LINC00305: variants seen among roughly 807,000 people sequenced by gnomAD.
LINC00305 encodes long independently transcribed non-coding RNA 305.
intron 1 of LINC00305, among the ~76,000 whole-genome samples, chr18:64,130,666 G>A (rs899554586): frequency 6.6e-6 from 1 of 152,096 alleles, no homozygotes; most frequent in African/African-American, 2.4e-5. Context: ...CATCAGCTCT[G>A]TACTAAGAAA....
At chr18:64,121,846 A>G (rs895629138) in intron 1 of LINC00305, among the ~76,000 whole-genome samples, 3 of 152,086 alleles carry the variant, frequency 2.0e-5, no homozygotes, top group African/African-American at 7.2e-5. Context: ...CAAACTCACC[A>G]ATATTTGTTA....
At chr18:64,144,469 C>T (rs149611138) in intron 1 of LINC00305, among the ~76,000 whole-genome samples, 206 of 152,232 alleles carry the variant, frequency 1.4e-3, no homozygotes, top group African/African-American at 4.8e-3. Context: ...CCCAGTGAGA[C>T]CTGTATCAGA....
chr18:64,126,295 C>G (rs975831482), intron 1 of LINC00305, among the ~76,000 whole-genome samples: 1 of 151,960 alleles, frequency 6.6e-6, no homozygotes, highest in Non-Finnish European at 1.5e-5. Flanking sequence ...TAAGTGATTT[C>G]AATTCCTTTA....
chr18:64,138,472 C>T (rs963463387), intron 1 of LINC00305, among the ~76,000 whole-genome samples: 3 of 152,176 alleles, frequency 2.0e-5, no homozygotes, highest in Non-Finnish European at 4.4e-5. Flanking sequence ...TTACATCACA[C>T]GCTGCTTTTG....
Position 64,109,079 on chromosome 18 carries a change from G to T in LINC00305, n.315-10439C>A, listed in dbSNP as rs536737778. Among the ~76,000 whole-genome samples the T allele has an allele frequency of 4.6e-5, 7 of 152,304 alleles. No individual in the cohort carries two copies. The South Asian group carries it at 8.3e-4, about 18-fold the overall frequency. ...AATCACTGCTGTAGATGTGTGAAAT[G>T]GATTTGTGGAACAGTAATATTTCAT... On this transcript the variant is annotated intron_variant and non_coding_transcript_variant, in intron 1 of 3. Coordinates refer to ENST00000666468, the Ensembl canonical transcript of LINC00305.
chr18:64,144,816 C>T (rs565690669), intron 1 of LINC00305, among the ~76,000 whole-genome samples: 5 of 152,306 alleles, frequency 3.3e-5, no homozygotes, highest in African/African-American at 1.2e-4. Flanking sequence ...GGATGTGCTT[C>T]CCCCTGCAGA....
At chr18:64,086,155 A>C (rs2051202711) in intron 3 of LINC00305, among the ~76,000 whole-genome samples, 1 of 152,230 alleles carries the variant, frequency 6.6e-6, no homozygotes, top group Non-Finnish European at 1.5e-5. Context: ...TGGCCCAAAA[A>C]TGTTCTAGTT....
At chr18:64,114,012 G>A (rs972027009) in intron 1 of LINC00305, among the ~76,000 whole-genome samples, 7 of 152,338 alleles carry the variant, frequency 4.6e-5, no homozygotes, top group Admixed American at 4.6e-4. Context: ...GCTCATGCCT[G>A]TAATCCCAGC....
chr18:64,093,215 A>C (rs1409850919), intron 3 of LINC00305, among the ~76,000 whole-genome samples: 1 of 152,246 alleles, frequency 6.6e-6, no homozygotes, highest in African/African-American at 2.4e-5. Context: ...GAGATAATCA[A>C]CCAGGCTACT....
intron 1 of LINC00305, among the ~76,000 whole-genome samples, chr18:64,119,998 A>G (rs2051354650): frequency 6.6e-6 from 1 of 152,108 alleles, no homozygotes; most frequent in Non-Finnish European, 1.5e-5. Flanking sequence ...CAATGCCACA[A>G]AAAAAACAAA....
chr18:64,137,135 T>G (rs2051438529), intron 1 of LINC00305, among the ~76,000 whole-genome samples: 1 of 152,182 alleles, frequency 6.6e-6, no homozygotes, highest in South Asian at 2.1e-4. Context: ...TAGGGGAATC[T>G]GGACACACAG....
intron 1 of LINC00305, chr18:64,147,396 A>C (rs2051503155): frequency 6.6e-6 from 1 of 152,228 alleles, no homozygotes; most frequent in African/African-American, 2.4e-5. Context: ...GAATACATTT[A>C]CATAAATTTG....
intron 1 of LINC00305, among the ~76,000 whole-genome samples, chr18:64,135,275 A>G (rs1193138766): frequency 2.6e-5 from 4 of 152,128 alleles, no homozygotes; most frequent in Non-Finnish European, 4.4e-5. Context: ...CCTGTCTCCA[A>G]AATAAGGTAA....
intron 1 of LINC00305, among the ~76,000 whole-genome samples, chr18:64,105,247 G>A (rs1318076182): frequency 6.6e-6 from 1 of 151,704 alleles, no homozygotes; most frequent in Non-Finnish European, 1.5e-5. Context: ...GATCACCTGA[G>A]GTCAGGAGTT....
intron 3 of LINC00305, among the ~76,000 whole-genome samples, chr18:64,081,042 A>G (rs535424817): frequency 1.3e-5 from 2 of 152,362 alleles, no homozygotes; most frequent in Admixed American, 1.3e-4. Flanking sequence ...TATTGAAAAT[A>G]GGGATAAACA....
At chr18:64,124,009 G>A (rs1259855873) in intron 1 of LINC00305, among the ~76,000 whole-genome samples, 1 of 151,996 alleles carries the variant, frequency 6.6e-6, no homozygotes, top group East Asian at 1.9e-4. Flanking sequence ...CCAGATGCAG[G>A]TACCCAGTCT....
intron 1 of LINC00305, among the ~76,000 whole-genome samples, chr18:64,114,079 C>T (rs1231766608): frequency 6.6e-6 from 1 of 152,134 alleles, no homozygotes. Context: ...ACGATCCTGG[C>T]TAACTCGGTG....
chr18:64,107,492 T>A (rs1162399427), intron 1 of LINC00305, among the ~76,000 whole-genome samples: 1 of 152,238 alleles, frequency 6.6e-6, no homozygotes, highest in Non-Finnish European at 1.5e-5. Flanking sequence ...GATGGCTGCG[T>A]ACAGAAGGCA....
intron 3 of LINC00305, among the ~76,000 whole-genome samples, chr18:64,084,849 G>A (rs2051197397): frequency 6.6e-6 from 1 of 152,210 alleles, no homozygotes; most frequent in South Asian, 2.1e-4. Context: ...CATGATGCTT[G>A]TAGATGTGCC....
Sources: allele counts gnomAD v4.1 joint callset (sites outside exome capture counted in the v4.1 genomes callset), GRCh38; gene constraint gnomAD v4.1.1; transcripts MANE v1.5; gene names NCBI Gene and HGNC (gene_info 2026-07-23, HGNC 2026-07-21).